Variants in SLCO5A1 observed in about 807,000 individuals in gnomAD.
The protein encoded by SLCO5A1 is solute carrier organic anion transporter family member 5A1, also known as organic anion transporter polypeptide-related protein 4.
A neutral mutation model predicts 65.1 loss-of-function variants in SLCO5A1; 39 were observed. The observed-to-expected ratio is 0.60, with a 90% CI of 0.46 to 0.78. The LOEUF (loss-of-function observed/expected upper bound fraction) is 0.78. Among genes scored for constraint, SLCO5A1 ranks in the 30% least tolerant of loss-of-function variants. SLCO5A1 has a pLI of 0.00. For missense variants in SLCO5A1, 1,029 were observed against 1,069.4 expected (o/e 0.96, Z 0.53); for synonymous variants, 438 against 415.7 (o/e 1.05, Z -0.65).
chr8:69,682,177 T>A lies in SLCO5A1; in HGVS notation c.1782+7A>T. The A allele has an allele frequency of 1.2e-6, 2 of 1,602,540 alleles. No individual in the cohort carries two copies. The highest frequency in any genetic ancestry group is 1.7e-6 in the Non-Finnish European group (2 of 1,175,640). The stretch of plus-strand genomic sequence containing the variant: ...TAACAGAAGAGGAACTTGTGAAATA[T>A]ACTCACCCCAGTGCTAAGATTACCA... On this transcript the variant is annotated splice_region_variant and intron_variant, in intron 7 of 9. Coordinates refer to ENST00000260126, the MANE Select transcript of SLCO5A1 (RefSeq NM_030958.3).
intron 2 of SLCO5A1, among the ~76,000 whole-genome samples, chr8:69,778,204 T>A (rs950135191): frequency 2.0e-5 from 3 of 151,646 alleles, no homozygotes; most frequent in African/African-American, 7.3e-5. Flanking sequence ...TGGGGGACTA[T>A]TGCATATTTA....
intron 6 of SLCO5A1, among the ~76,000 whole-genome samples, chr8:69,688,744 A>G (rs1350772139): frequency 6.6e-6 from 1 of 152,048 alleles, no homozygotes; most frequent in Non-Finnish European, 1.5e-5. Context: ...TCATTGTTGG[A>G]CATTTGGGTT....
chr8:69,695,077 T>C (rs1240880670), intron 6 of SLCO5A1, among the ~76,000 whole-genome samples: 1 of 152,178 alleles, frequency 6.6e-6, no homozygotes, highest in African/African-American at 2.4e-5. Flanking sequence ...GGAGTAGAGA[T>C]AAGAAACTAA....
intron 2 of SLCO5A1, among the ~76,000 whole-genome samples, chr8:69,813,099 A>G (rs1820272829): frequency 6.6e-6 from 1 of 152,252 alleles, no homozygotes; most frequent in African/African-American, 2.4e-5. Flanking sequence ...TTGGTCCGTC[A>G]TTACACATTG....
intron 8 of SLCO5A1, among the ~76,000 whole-genome samples, chr8:69,678,973 C>T (rs1303577385): frequency 1.3e-5 from 2 of 152,204 alleles, no homozygotes; most frequent in Non-Finnish European, 2.9e-5. Flanking sequence ...AGATAATAGC[C>T]TTTGCTGTAT....
chr8:69,710,184 A>G (rs1296658153), intron 5 of SLCO5A1, among the ~76,000 whole-genome samples: 1 of 151,894 alleles, frequency 6.6e-6, no homozygotes, highest in Non-Finnish European at 1.5e-5. Flanking sequence ...ACGACCGGCT[A>G]ATTTTTGTAT....
At position 69,682,210 on chromosome 8, in the gene SLCO5A1, C is replaced by T; in HGVS notation, c.1756G>A (p.Val586Ile). ...TYFNPCLAGC[V>I]NSGNLSTGIR... ...CCAGTGCTAAGATTACCACTATTAA[C>T]ACAGCCAGCCAGACAAGGGTTAAAG... is the stretch of plus-strand genomic sequence containing the variant. Residue 586 changes from valine to isoleucine, a missense_variant, in exon 7 of 10, where the codon GTT becomes ATT. By Grantham distance (29) the Val-to-Ile change is conservative. Coordinates refer to ENST00000260126, the MANE Select transcript of SLCO5A1 (RefSeq NM_030958.3). 1 of 1,612,598 alleles carries T rather than the reference C, an allele frequency of 6.2e-7. No homozygotes were observed. Among genetic ancestry groups the T allele is most frequent in the South Asian group, 1.1e-5 (1 of 90,740 alleles).
intron 2 of SLCO5A1, among the ~76,000 whole-genome samples, chr8:69,831,452 T>C (rs772704083): frequency 2.0e-5 from 3 of 152,140 alleles, no homozygotes; most frequent in Non-Finnish European, 4.4e-5. Flanking sequence ...TATTAGAATA[T>C]AAACTTGACA....
At chr8:69,733,279 T>C (rs963759449) in intron 5 of SLCO5A1, among the ~76,000 whole-genome samples, 3 of 152,226 alleles carry the variant, frequency 2.0e-5, no homozygotes, top group Non-Finnish European at 1.5e-5. Context: ...TATTTTTCCA[T>C]TTATATTGTT....
intron 2 of SLCO5A1, among the ~76,000 whole-genome samples, chr8:69,773,295 G>A (rs537669897): frequency 6.6e-6 from 1 of 152,294 alleles, no homozygotes; most frequent in South Asian, 2.1e-4. Flanking sequence ...AATAGCATTT[G>A]GAAATGGTCT....
chr8:69,726,748 G>T (rs749907614), intron 5 of SLCO5A1, among the ~76,000 whole-genome samples: 1 of 151,994 alleles, frequency 6.6e-6, no homozygotes, highest in African/African-American at 2.4e-5. Context: ...TGATCTGCCC[G>T]CCTTGGCCTC....
intron 2 of SLCO5A1, among the ~76,000 whole-genome samples, chr8:69,811,463 A>G (rs1446790249): frequency 2.0e-5 from 3 of 152,134 alleles, no homozygotes; most frequent in Admixed American, 1.3e-4. Flanking sequence ...ATTCATCGCT[A>G]TGGGGAATGG....
intron 4 of SLCO5A1, among the ~76,000 whole-genome samples, chr8:69,742,935 G>A (rs1477597819): frequency 6.6e-6 from 1 of 151,446 alleles, no homozygotes; most frequent in East Asian, 1.9e-4. Flanking sequence ...CAAGTAGCTG[G>A]GATTACAGAC....
intron 5 of SLCO5A1, among the ~76,000 whole-genome samples, chr8:69,711,733 T>C (rs1379496603): frequency 6.6e-6 from 1 of 152,220 alleles, no homozygotes; most frequent in African/African-American, 2.4e-5. Flanking sequence ...TCGGATTTTC[T>C]CCTCTCTGAA....
At position 69,765,085 on chromosome 8, in the gene SLCO5A1, G is replaced by T. The variant is rs186740100; in HGVS notation, c.908-3210C>A. 1.1e-3 allele frequency among the ~76,000 whole-genome samples: 175 copies of T among 152,198 alleles called. 2 individuals are homozygous for T. Among genetic ancestry groups the T allele is most frequent in the Non-Finnish European group, 2.8e-4 (19 of 68,004 alleles). ...CAGAAACATTTATTTCTATTATATA[G>T]CAAGCAAGTCCAGTGGAATCACTCC... On this transcript the variant is annotated intron_variant, in intron 2 of 9. Transcript: ENST00000260126.
At chr8:69,807,479 C>T (rs778328619) in intron 2 of SLCO5A1, among the ~76,000 whole-genome samples, 2 of 152,136 alleles carry the variant, frequency 1.3e-5, no homozygotes, top group Non-Finnish European at 2.9e-5. Flanking sequence ...GTTTTGTATC[C>T]GTTAACCAGC....
intron 2 of SLCO5A1, among the ~76,000 whole-genome samples, chr8:69,800,298 G>A (rs369519682): frequency 3.3e-4 from 42 of 128,214 alleles, no homozygotes; most frequent in African/African-American, 1.3e-3. Context: ...CTGTCACTCA[G>A]CCTGGAATGC....
rs1313169913 is a variant in SLCO5A1, at chr8:69,672,444, T to C, written c.*425A>G. 4 of 179,266 alleles carry C rather than the reference T, an allele frequency of 2.2e-5. No homozygotes were observed. Among genetic ancestry groups the C allele is most frequent in the Non-Finnish European group, 4.8e-5 (4 of 83,068 alleles). The allele number at this position is 179,266 out of a possible 1,614,324, so 11.1% of individuals were successfully genotyped here. On this transcript the variant is annotated 3_prime_UTR_variant, in exon 10 of 10. Transcript: ENST00000260126. Reference sequence around the variant, plus strand: ...TTGAGACAAATTCATTTGTGCTTTGTAGCAGAACTCACAGTAGGTGTTCAT... The same window carrying C: ...TTGAGACAAATTCATTTGTGCTTTGCAGCAGAACTCACAGTAGGTGTTCAT...
intron 2 of SLCO5A1, among the ~76,000 whole-genome samples, chr8:69,828,228 G>T (rs1030713998): frequency 9.3e-5 from 14 of 151,330 alleles, no homozygotes; most frequent in African/African-American, 3.4e-4. Context: ...AATTCTCCCA[G>T]GTTTCTTAAA....
Sources: gnomAD v4.1 joint callset for allele counts (sites outside exome capture counted in the v4.1 genomes callset) on GRCh38, gnomAD v4.1.1 for gene constraint, MANE v1.5 for transcripts, NCBI Gene and HGNC (gene_info 2026-07-23, HGNC 2026-07-21) for gene names.